The following SLC7A14 variants were observed in gnomAD, a reference collection of about 807,000 sequenced individuals.
SLC7A14 encodes the protein solute carrier family 7 member 14.
Under a neutral mutation model 60.2 loss-of-function variants are expected in SLC7A14, and 37 were observed. That is an observed-to-expected ratio of 0.61 (90% CI 0.47 to 0.81). SLC7A14 has a LOEUF of 0.81. Ranked by LOEUF, SLC7A14 falls within the 30% of genes least tolerant of loss-of-function variation. The pLI is 0.00. For synonymous variants in SLC7A14, 399 were observed against 395.8 expected (o/e 1.01, Z -0.10); for missense variants, 886 against 982.7 (o/e 0.90, Z 1.32).
intron 1 of SLC7A14, among the ~76,000 whole-genome samples, chr3:170,553,285 T>G (rs1714398539): frequency 6.6e-6 from 1 of 152,238 alleles, no homozygotes; most frequent in Non-Finnish European, 1.5e-5. Context: ...TATTGCCATA[T>G]GTTCTTACAC....
Position 170,486,336 on chromosome 3 carries a change from A to G in SLC7A14, c.792T>C (p.Ala264=). Residue 264 remains alanine, a synonymous_variant, in exon 5 of 8, where the codon GCT becomes GCC. Transcript: ENST00000231706. ...TGGCGATGATGTCAAAGCCAATGAAAGCGTAGAAGCATGTTGCTGCTCCTT... is the reference window on the plus strand; with the variant it reads ...TGGCGATGATGTCAAAGCCAATGAAGGCGTAGAAGCATGTTGCTGCTCCTT... ...VLQGAATCFY[A]FIGFDIIATT... 1.2e-6 allele frequency: 2 copies of G among 1,614,236 alleles called. No homozygotes were observed. The highest frequency in any genetic ancestry group is 1.7e-6 in the Non-Finnish European group (2 of 1,180,040).
At chr3:170,481,574 G>A (rs1383696585) in intron 6 of SLC7A14, among the ~76,000 whole-genome samples, 1 of 151,816 alleles carries the variant, frequency 6.6e-6, no homozygotes, top group Non-Finnish European at 1.5e-5. Flanking sequence ...GCTAATTTTT[G>A]TATTTTTAGT....
chr3:170,528,795 C>G (rs766357762), intron 1 of SLC7A14, among the ~76,000 whole-genome samples: 1 of 152,176 alleles, frequency 6.6e-6, no homozygotes, highest in Non-Finnish European at 1.5e-5. Flanking sequence ...CTTTCTTCTT[C>G]TAAAGATTTT....
rs1019709841 is a variant in SLC7A14 at position 170,585,720 on chromosome 3, C to G, written c.-153+191G>C. Among the ~76,000 whole-genome samples the G allele has an allele frequency of 6.6e-6, 1 of 152,042 alleles. No individual in the cohort carries two copies. Among genetic ancestry groups the G allele is most frequent in the Non-Finnish European group, 1.5e-5 (1 of 67,988 alleles). On this transcript the variant is annotated intron_variant, in intron 1 of 7. Coordinates refer to ENST00000231706, the MANE Select transcript of SLC7A14 (RefSeq NM_020949.3). The surrounding 1 kb of genome is among the most constrained non-coding windows in gnomAD (Gnocchi z 5.1). Reference sequence around the variant, plus strand: ...CAGGAAAGAGCCCGACCCACCTCCTCGGTTCTTCCAGGGAACCCCTTCTCG... The same window carrying G: ...CAGGAAAGAGCCCGACCCACCTCCTGGGTTCTTCCAGGGAACCCCTTCTCG...
At chr3:170,526,156 C>T (rs185584411) in intron 2 of SLC7A14, among the ~76,000 whole-genome samples, 19 of 151,272 alleles carry the variant, frequency 1.3e-4, no homozygotes, top group Admixed American at 1.1e-3. Flanking sequence ...AATTCCAGCA[C>T]TTTGGAAGGC....
At position 170,480,897 on chromosome 3, in the gene SLC7A14, T is replaced by TC. The variant is rs1560251570; in HGVS notation, c.1384dup (p.Glu462GlyfsTer8). 6.2e-7 allele frequency: 1 copy of TC among 1,613,990 alleles called. No homozygotes were observed. The highest frequency in any genetic ancestry group is 8.5e-7 in the Non-Finnish European group (1 of 1,179,998). On this transcript the variant is annotated frameshift_variant, in exon 7 of 8. Transcript: ENST00000231706. LOFTEE classifies it high-confidence loss of function. ...CCCCTCACTCACAGGAGAACAAGCT[T>TC]CCTTCTCACAGTCAGCCAGAATGCC...
intron 7 of SLC7A14, among the ~76,000 whole-genome samples, chr3:170,476,394 C>T (rs1711616855): frequency 6.6e-6 from 1 of 152,238 alleles, no homozygotes. Flanking sequence ...ATCAGAATCA[C>T]CGGGTGCTTG....
At chr3:170,538,974 G>C (rs199575268) in intron 1 of SLC7A14, among the ~76,000 whole-genome samples, 2 of 152,160 alleles carry the variant, frequency 1.3e-5, no homozygotes, top group African/African-American at 4.8e-5. Context: ...CTGATTTCCT[G>C]TAGGACCCTC....
rs191955672 is a variant in SLC7A14, at chr3:170,483,220, G to A, written c.1115+94C>T. ...GTCCACAGTCCATGTGAAAGGCACT[G>A]ATGTCAAAATCACAGTCAGTCTGAC... On this transcript the variant is annotated intron_variant, in intron 6 of 7. Transcript: ENST00000231706. 1.6e-4 allele frequency: 233 copies of A among 1,416,638 alleles called. 1 individual carries two copies. The Middle Eastern group carries it at 3.8e-3, about 23-fold the overall frequency. 87.8% of individuals were successfully genotyped at this position (1,416,638 alleles called of 1,614,324 possible).
chr3:170,573,802 C>T (rs527718676), intron 1 of SLC7A14, among the ~76,000 whole-genome samples: 1 of 152,326 alleles, frequency 6.6e-6, no homozygotes, highest in African/African-American at 2.4e-5. Context: ...CTGAATGGCA[C>T]ATTTCACAAG....
intron 4 of SLC7A14, among the ~76,000 whole-genome samples, chr3:170,488,008 T>C (rs1280631563): frequency 6.6e-6 from 1 of 152,206 alleles, no homozygotes; most frequent in East Asian, 1.9e-4. Flanking sequence ...TTATTACACA[T>C]AGAGGTTAAC....
chr3:170,534,779 C>A (rs186245392), intron 1 of SLC7A14, among the ~76,000 whole-genome samples: 19 of 152,208 alleles, frequency 1.2e-4, no homozygotes, highest in Admixed American at 9.1e-4. Context: ...TGAAATAATT[C>A]TTTAAAAAAA....
intron 7 of SLC7A14, among the ~76,000 whole-genome samples, chr3:170,473,106 T>C (rs1255938370): frequency 6.6e-6 from 1 of 152,180 alleles, no homozygotes; most frequent in Non-Finnish European, 1.5e-5. Context: ...CCCAGGTGCC[T>C]CCAGGGAAGG....
At chr3:170,564,604 C>T (rs1056272875) in intron 1 of SLC7A14, among the ~76,000 whole-genome samples, 1 of 152,248 alleles carries the variant, frequency 6.6e-6, no homozygotes, top group African/African-American at 2.4e-5. Context: ...CCTCTAGTCT[C>T]TGAAGCCAGA....
At chr3:170,529,458 C>A (rs998155226) in intron 1 of SLC7A14, among the ~76,000 whole-genome samples, 3 of 152,160 alleles carry the variant, frequency 2.0e-5, no homozygotes, top group African/African-American at 7.2e-5. Flanking sequence ...AGTTTTAATT[C>A]ATCCGTTCAA....
chr3:170,513,183 C>G (rs1363791307), intron 2 of SLC7A14, among the ~76,000 whole-genome samples: 21 of 152,056 alleles, frequency 1.4e-4, no homozygotes, highest in Non-Finnish European at 2.9e-5. Flanking sequence ...TGGGGGGCTT[C>G]TTGAAAGAGG....
In SLC7A14 at chr3:170,498,797, G is replaced by A; in HGVS notation, c.629C>T (p.Ser210Phe). Residue 210 changes from serine to phenylalanine, a missense_variant, in exon 4 of 8, where the codon TCC becomes TTC. By Grantham distance (155) the Ser-to-Phe change is radical. Transcript: ENST00000231706. ...TIIVALGVKN[S>F]IGFNNVLNVL... Reference sequence around the variant, plus strand: ...ATTGAGAACATTGTTGAAGCCTATGGAATTCTTCACCCCCAGAGCAACAAT... The same window carrying A: ...ATTGAGAACATTGTTGAAGCCTATGAAATTCTTCACCCCCAGAGCAACAAT... 1 of 1,614,172 alleles carries A rather than the reference G, an allele frequency of 6.2e-7. No homozygotes were observed. The highest frequency in any genetic ancestry group is 8.5e-7 in the Non-Finnish European group (1 of 1,180,038).
chr3:170,523,700 CAGA>C (rs1228951945), intron 2 of SLC7A14, among the ~76,000 whole-genome samples: 5 of 152,030 alleles, frequency 3.3e-5, no homozygotes, highest in Admixed American at 3.3e-4. Flanking sequence ...TAATTAAGAC[CAGA>C]AGGAGAAAAG....
chr3:170,544,725 G>A (rs1714127691), intron 1 of SLC7A14, among the ~76,000 whole-genome samples: 1 of 152,212 alleles, frequency 6.6e-6, no homozygotes, highest in African/African-American at 2.4e-5. Flanking sequence ...ACCATCTTAA[G>A]TTAGGGCTGT....
Sources: gnomAD v4.1 joint callset for allele counts (sites outside exome capture counted in the v4.1 genomes callset) on GRCh38, gnomAD v4.1.1 for gene constraint, Gnocchi (gnomAD v3.1) non-coding constraint, MANE v1.5 for transcripts, NCBI Gene and HGNC (gene_info 2026-07-23, HGNC 2026-07-21) for gene names.